LMBR1: variants seen among roughly 807,000 people sequenced by gnomAD.
LMBR1 encodes limb development membrane protein 1.
In LMBR1, 52 loss-of-function variants were observed where a neutral mutation model predicts 73.9. That is an observed-to-expected ratio of 0.70 (90% CI 0.56 to 0.89). LMBR1 has a LOEUF of 0.89. Ranked by LOEUF, LMBR1 falls within the 40% of genes least tolerant of loss-of-function variation. LMBR1 has a pLI of 0.00. For missense variants in LMBR1, 539 were observed against 579.8 expected (o/e 0.93, Z 0.72); for synonymous variants, 215 against 209.4 (o/e 1.03, Z -0.23).
In LMBR1 at chr7:156,843,302, T is replaced by TAA. The variant is rs1839034388; in HGVS notation, c.67-6418_67-6417insTT. 1.3e-4 allele frequency among the ~76,000 whole-genome samples: 20 copies of TAA among 152,018 alleles called. 1 individual carries two copies. Among genetic ancestry groups the TAA allele is most frequent in the Admixed American group, 1.2e-3 (18 of 15,262 alleles). Reference sequence around the variant, plus strand: ...CTGACCACAGTGTGAGAAGCACTGGTTTAGGGTATTAGCAAGAGTGAGTGA... The same window carrying TAA: ...CTGACCACAGTGTGAGAAGCACTGGTAATTAGGGTATTAGCAAGAGTGAGTGA... On this transcript the variant is annotated intron_variant, in intron 1 of 16. Coordinates refer to ENST00000353442, the MANE Select transcript of LMBR1 (RefSeq NM_022458.4).
intron 15 of LMBR1, among the ~76,000 whole-genome samples, chr7:156,721,229 T>C (rs73166107): frequency 0.032 from 4,862 of 152,184 alleles, 128 homozygotes; most frequent in Non-Finnish European, 0.042. Context: ...AATTACAATA[T>C]AGAAATTATT....
chr7:156,858,040 A>G (rs1388904396), intron 1 of LMBR1, among the ~76,000 whole-genome samples: 4 of 150,322 alleles, frequency 2.7e-5, no homozygotes, highest in Non-Finnish European at 5.9e-5. Flanking sequence ...AGGAAACTAG[A>G]AAAAAAAAGA....
intron 1 of LMBR1, among the ~76,000 whole-genome samples, chr7:156,876,575 A>C (rs1324102901): frequency 6.6e-6 from 1 of 152,220 alleles, no homozygotes; most frequent in Non-Finnish European, 1.5e-5. Context: ...TAGGACACAA[A>C]ACAAGTCTTA....
chr7:156,838,608 C>T (rs1157585617), intron 1 of LMBR1, among the ~76,000 whole-genome samples: 5 of 152,128 alleles, frequency 3.3e-5, no homozygotes, highest in African/African-American at 1.2e-4. Flanking sequence ...TTTCTTGATC[C>T]ACTCATCTGC....
At chr7:156,714,430 T>C (rs1812757913) in intron 15 of LMBR1, among the ~76,000 whole-genome samples, 3 of 152,188 alleles carry the variant, frequency 2.0e-5, no homozygotes, top group Admixed American at 6.5e-5. Flanking sequence ...TTCAAAGGCA[T>C]AGAAGGCATA....
intron 9 of LMBR1, among the ~76,000 whole-genome samples, chr7:156,735,339 T>G (rs1817653866): frequency 6.6e-6 from 1 of 152,182 alleles, no homozygotes; most frequent in South Asian, 2.1e-4. Context: ...AATGTTTTCT[T>G]CCTGTTACTT....
chr7:156,738,260 A>G (rs1818259627), intron 9 of LMBR1, among the ~76,000 whole-genome samples: 1 of 152,142 alleles, frequency 6.6e-6, no homozygotes, highest in Admixed American at 6.5e-5. Flanking sequence ...GGGCTCAACC[A>G]CTGCATGCCC....
intron 15 of LMBR1, among the ~76,000 whole-genome samples, chr7:156,705,549 C>T (rs1199488910): frequency 6.6e-6 from 1 of 152,086 alleles, no homozygotes; most frequent in African/African-American, 2.4e-5. Flanking sequence ...CACAGTGAGA[C>T]TCTGTCGCAA....
intron 1 of LMBR1, among the ~76,000 whole-genome samples, chr7:156,882,011 G>C (rs1208692280): frequency 6.6e-6 from 1 of 152,172 alleles, no homozygotes; most frequent in Admixed American, 6.5e-5. Context: ...ATCTCAAAGA[G>C]ATATTAGCAC....
intron 4 of LMBR1, among the ~76,000 whole-genome samples, chr7:156,806,164 T>G (rs1477276262): frequency 7.5e-6 from 1 of 133,164 alleles, no homozygotes; most frequent in Non-Finnish European, 1.6e-5. Flanking sequence ...ACTCTTTAAT[T>G]TCTCTCAACA....
chr7:156,770,982 T>C (rs1245198406), intron 5 of LMBR1, among the ~76,000 whole-genome samples: 1 of 150,896 alleles, frequency 6.6e-6, no homozygotes, highest in Non-Finnish European at 1.5e-5. Context: ...AGCAAAAAAG[T>C]AGGAAAAAAT....
chr7:156,697,830 G>A (rs1398063999), intron 15 of LMBR1, among the ~76,000 whole-genome samples: 1 of 152,160 alleles, frequency 6.6e-6, no homozygotes, highest in Non-Finnish European at 1.5e-5. Flanking sequence ...TGGTCCTGAG[G>A]TGACATACAT....
chr7:156,806,516 T>C (rs1340676170), intron 4 of LMBR1, among the ~76,000 whole-genome samples: 1 of 151,702 alleles, frequency 6.6e-6, no homozygotes, highest in African/African-American at 2.4e-5. Context: ...ACAGATGTCC[T>C]TGCCTTGTTC....
chr7:156,775,631 A>C (rs1825993656), intron 5 of LMBR1, among the ~76,000 whole-genome samples: 1 of 152,230 alleles, frequency 6.6e-6, no homozygotes, highest in South Asian at 2.1e-4. Context: ...TGGATAATTA[A>C]CAGTCTTATC....
At chr7:156,789,895 G>T (rs546666943) in intron 5 of LMBR1, among the ~76,000 whole-genome samples, 5 of 151,022 alleles carry the variant, frequency 3.3e-5, no homozygotes, top group African/African-American at 5.0e-5. Context: ...ATGAGTATTG[G>T]AGTAGTATTA....
At chr7:156,803,347 GA>G (rs1412607181) in intron 4 of LMBR1, among the ~76,000 whole-genome samples, 1 of 151,864 alleles carries the variant, frequency 6.6e-6, no homozygotes, top group African/African-American at 2.4e-5. Context: ...CGAAGGATAT[GA>G]ACAGACACTT....
rs1035282402 is a variant in LMBR1, at chr7:156,680,714, T to C, written c.*3364A>G. 6.3e-6 allele frequency: 1 copy of C among 159,198 alleles called. No individual in the cohort carries two copies. Among genetic ancestry groups the C allele is most frequent in the African/African-American group, 2.4e-5 (1 of 41,508 alleles). The allele number at this position is 159,198 out of a possible 1,614,324, so 9.9% of individuals were successfully genotyped here. A position where few individuals can be genotyped will look rare whatever the true frequency, so the allele number is the denominator to read the frequency against. On this transcript the variant is annotated 3_prime_UTR_variant, in exon 17 of 17. Coordinates refer to ENST00000353442, the MANE Select transcript of LMBR1 (RefSeq NM_022458.4). ...AACTGCACAACAGAGAAAGAAAATA[T>C]CCATTTCTTAATTCAACATTCATCA... is the stretch of plus-strand genomic sequence containing the variant.
Position 156,669,265 on chromosome 7 carries a change from C to T in LMBR1, n.889G>A, listed in dbSNP as rs915292970. 3.9e-5 allele frequency: 6 copies of T among 152,184 alleles called. No homozygotes were observed. Among genetic ancestry groups the T allele is most frequent in the African/African-American group, 1.4e-4 (6 of 41,420 alleles). The allele number at this position is 152,184 out of a possible 1,614,324, so 9.4% of individuals were successfully genotyped here. A position where few individuals can be genotyped will look rare whatever the true frequency, so the allele number is the denominator to read the frequency against. ...CCGCTCGGGTGGTTCGCGCCTGCTGCAGGGCACGCTTCCTGCAGGGAGCTG... is the reference window on the plus strand; with the variant it reads ...CCGCTCGGGTGGTTCGCGCCTGCTGTAGGGCACGCTTCCTGCAGGGAGCTG... On this transcript the variant is annotated non_coding_transcript_exon_variant, in exon 5 of 5. Coordinates refer to the LMBR1 transcript ENST00000430825. The surrounding 1 kb of genome is among the most constrained non-coding windows in gnomAD (Gnocchi z 4.2).
intron 4 of LMBR1, among the ~76,000 whole-genome samples, chr7:156,806,317 TG>T: frequency 6.6e-6 from 1 of 152,348 alleles, no homozygotes; most frequent in East Asian, 1.9e-4. Context: ...TGTTGTATAT[TG>T]ATCTTCTATC....
Sources: allele counts gnomAD v4.1 joint callset (sites outside exome capture counted in the v4.1 genomes callset), GRCh38; gene constraint gnomAD v4.1.1; non-coding constraint Gnocchi (gnomAD v3.1); transcripts MANE v1.5; gene names NCBI Gene and HGNC (gene_info 2026-07-23, HGNC 2026-07-21).